The following CA10 variants were observed in gnomAD, a reference collection of about 807,000 sequenced individuals.
CA10 encodes the protein carbonic anhydrase-related protein 10.
CA10 carries 14 observed loss-of-function variants against 44.2 expected under a neutral mutation model. That is an observed-to-expected ratio of 0.32 (90% CI 0.21 to 0.50). CA10 has a LOEUF of 0.50. Among genes scored for constraint, CA10 ranks in the 20% least tolerant of loss-of-function variants. The probability of loss-of-function intolerance (pLI) is 0.99; values close to 1 mark genes in which losing one functional copy is unlikely to be tolerated. For synonymous variants in CA10, 159 were observed against 141.6 expected, an observed-to-expected ratio of 1.12 and a Z score of -0.87; for missense variants, 350 against 409.7, an observed-to-expected ratio of 0.85 and a Z score of 1.26.
intron 2 of CA10, among the ~76,000 whole-genome samples, chr17:52,005,656 GGGA>G (rs1172537687): frequency 6.6e-6 from 1 of 151,902 alleles, no homozygotes; most frequent in Non-Finnish European, 1.5e-5. Flanking sequence ...CATGGTCCAG[GGGA>G]GCTATTGGGG....
chr17:51,965,791 T>C (rs1264969896), intron 2 of CA10, among the ~76,000 whole-genome samples: 1 of 151,590 alleles, frequency 6.6e-6, no homozygotes, highest in Non-Finnish European at 1.5e-5. Context: ...TGAAAATGTT[T>C]CTTAGAACTG....
intron 4 of CA10, among the ~76,000 whole-genome samples, chr17:51,684,574 G>A (rs960452445): frequency 3.9e-5 from 6 of 152,152 alleles, no homozygotes; most frequent in East Asian, 1.9e-4. Flanking sequence ...AGCTTACATC[G>A]CTGACACATC....
intron 3 of CA10, among the ~76,000 whole-genome samples, chr17:51,825,844 C>T (rs928681736): frequency 9.2e-5 from 14 of 152,194 alleles, no homozygotes; most frequent in Non-Finnish European, 1.6e-4. Context: ...GACGGTGGCT[C>T]GGACAGACTG....
intron 3 of CA10, among the ~76,000 whole-genome samples, chr17:51,883,829 C>A (rs1299643484): frequency 1.3e-5 from 2 of 152,108 alleles, no homozygotes; most frequent in Non-Finnish European, 1.5e-5. Context: ...TTTAGCTTAA[C>A]CCTGTCCAGG....
intron 1 of CA10, among the ~76,000 whole-genome samples, chr17:52,089,223 C>T (rs1356531863): frequency 6.6e-6 from 1 of 152,124 alleles, no homozygotes; most frequent in Admixed American, 6.5e-5. Flanking sequence ...TTGACCTTAA[C>T]TGAGTTTTTG....
intron 1 of CA10, among the ~76,000 whole-genome samples, chr17:52,142,545 T>C (rs1160705138): frequency 2.0e-5 from 3 of 152,178 alleles, no homozygotes; most frequent in African/African-American, 7.2e-5. Flanking sequence ...GGTTTAATGA[T>C]GTTTTACAAC....
intron 4 of CA10, among the ~76,000 whole-genome samples, chr17:51,692,415 CTATCTATCTATT>C (rs1393522610): frequency 2.5e-5 from 3 of 121,056 alleles, no homozygotes; most frequent in South Asian, 2.8e-4. Context: ...ATCTATCTAT[CTATCTATCTATT>C]TTACCATTTA....
intron 4 of CA10, among the ~76,000 whole-genome samples, chr17:51,671,665 A>G (rs577227278): frequency 8.3e-4 from 127 of 152,114 alleles, no homozygotes; most frequent in African/African-American, 3.0e-3. Flanking sequence ...CGGCCTCCAA[A>G]AGTGCTGGGA....
chr17:52,008,883 G>T (rs1232877911), intron 2 of CA10, among the ~76,000 whole-genome samples: 1 of 151,840 alleles, frequency 6.6e-6, no homozygotes, highest in Non-Finnish European at 1.5e-5. Context: ...TTTGTTTAAG[G>T]TTTCACCTTT....
At chr17:52,144,545 C>T (rs1227810695) in intron 1 of CA10, among the ~76,000 whole-genome samples, 1 of 152,100 alleles carries the variant, frequency 6.6e-6, no homozygotes, top group South Asian at 2.1e-4. Context: ...GGGCAAGACC[C>T]AGTAAACTGT....
intron 3 of CA10, among the ~76,000 whole-genome samples, chr17:51,814,850 G>A (rs754940368): frequency 2.0e-5 from 3 of 152,114 alleles, no homozygotes; most frequent in Admixed American, 6.5e-5. Flanking sequence ...AATTCCACTT[G>A]TTGCCAATGA....
At chr17:51,884,644 T>C (rs1413769269) in intron 3 of CA10, among the ~76,000 whole-genome samples, 3 of 152,182 alleles carry the variant, frequency 2.0e-5, no homozygotes, top group South Asian at 4.1e-4. Context: ...TAGTACAAAA[T>C]GATTAGTGTC....
intron 3 of CA10, among the ~76,000 whole-genome samples, chr17:51,872,911 G>C (rs1979881687): frequency 6.6e-6 from 1 of 152,170 alleles, no homozygotes; most frequent in African/African-American, 2.4e-5. Flanking sequence ...CACCTAAGTG[G>C]CTTTCAGAGG....
At chr17:51,834,048 A>G (rs1056339555) in intron 3 of CA10, among the ~76,000 whole-genome samples, 1 of 152,212 alleles carries the variant, frequency 6.6e-6, no homozygotes, top group Non-Finnish European at 1.5e-5. Flanking sequence ...TTATTAAGTC[A>G]CTGTCTTTTT....
intron 2 of CA10, among the ~76,000 whole-genome samples, chr17:52,051,179 G>C (rs565446084): frequency 4.3e-4 from 65 of 151,516 alleles, no homozygotes; most frequent in African/African-American, 1.5e-3. Flanking sequence ...AGAAACAAAG[G>C]AACAAAGGCA....
intron 2 of CA10, among the ~76,000 whole-genome samples, chr17:51,953,387 C>T (rs1161139568): frequency 1.3e-5 from 2 of 151,898 alleles, no homozygotes; most frequent in Non-Finnish European, 2.9e-5. Context: ...TCTGTCTTTT[C>T]CATCTCCACT....
In CA10 at chr17:51,831,695, A is replaced by AGCGGCG. The variant is rs1567854577; in HGVS notation, c.280-83878_280-83877insCGCCGC. On this transcript the variant is annotated intron_variant, in intron 3 of 8. Coordinates refer to ENST00000451037, the MANE Select transcript of CA10 (RefSeq NM_020178.5). ...CAGCAGCAGCAGCAGCAGCAGCAGC[A>AGCGGCG]GCAGCAGCAGCAGCAGCAGCAGCAG... Among the ~76,000 whole-genome samples, 9 of 80,800 alleles carry AGCGGCG rather than the reference A, an allele frequency of 1.1e-4. 1 individual carries two copies. The highest frequency in any genetic ancestry group is 2.1e-4 in the Non-Finnish European group (7 of 33,350). The allele number at this position is 80,800 out of a possible 152,430, so 53.0% of individuals were successfully genotyped here.
chr17:51,916,445 T>A (rs1304446987), intron 3 of CA10, among the ~76,000 whole-genome samples: 1 of 152,106 alleles, frequency 6.6e-6, no homozygotes, highest in Non-Finnish European at 1.5e-5. Context: ...ACGGATCTGG[T>A]GGGAGGTAAT....
At chr17:51,642,559 T>A (rs1913132102) in intron 6 of CA10, among the ~76,000 whole-genome samples, 2 of 152,246 alleles carry the variant, frequency 1.3e-5, no homozygotes, top group African/African-American at 4.8e-5. Flanking sequence ...GCGCTGAATC[T>A]GAAAGCTCTC....
Sources: allele counts gnomAD v4.1 joint callset (sites outside exome capture counted in the v4.1 genomes callset), GRCh38; gene constraint gnomAD v4.1.1; transcripts MANE v1.5; gene names NCBI Gene and HGNC (gene_info 2026-07-23, HGNC 2026-07-21).